The following ANOS1 variants were observed in gnomAD, a reference collection of about 807,000 sequenced individuals.
The protein encoded by ANOS1 is anosmin-1.
In ANOS1, 6 loss-of-function variants were observed where a neutral mutation model predicts 59.0. The ratio of observed to expected loss-of-function variants is 0.10; its 90% CI spans 0.06 to 0.20. The LOEUF is 0.20. Ranked by LOEUF, ANOS1 falls within the 10% of genes least tolerant of loss-of-function variation. The probability of loss-of-function intolerance (pLI) is 1.00; values close to 1 mark genes in which losing one functional copy is unlikely to be tolerated. For missense variants in ANOS1, 433 were observed against 542.3 expected, an observed-to-expected ratio of 0.80 and a Z score of 2.00; for synonymous variants, 217 against 223.4, an observed-to-expected ratio of 0.97 and a Z score of 0.25.
intron 5 of ANOS1, among the ~76,000 whole-genome samples, chrX:8,587,112 T>C (rs181764611): frequency 3.2e-3 from 276 of 87,269 alleles, no homozygotes; most frequent in Non-Finnish European, 5.5e-3. Flanking sequence ...TTTATATCCA[T>C]GTAGGGTTTG....
At chrX:8,686,291 A>G (rs1006757108) in intron 2 of ANOS1, among the ~76,000 whole-genome samples, 2 of 112,039 alleles carry the variant, frequency 1.8e-5, no homozygotes, top group African/African-American at 3.2e-5. Context: ...CTACCGATTT[A>G]TTATTTTATG....
At chrX:8,717,419 A>T (rs200019382) in intron 1 of ANOS1, among the ~76,000 whole-genome samples, 28 of 111,862 alleles carry the variant, frequency 2.5e-4, no homozygotes, top group South Asian at 1.5e-3. Context: ...GATTTTTTTT[A>T]AAAAATTTCT....
intron 6 of ANOS1, among the ~76,000 whole-genome samples, chrX:8,573,977 G>C (rs1001724600): frequency 4.5e-5 from 5 of 111,540 alleles, no homozygotes; most frequent in Non-Finnish European, 9.4e-5. Flanking sequence ...TCTGAATACA[G>C]CAGTCTGATG....
intron 4 of ANOS1, among the ~76,000 whole-genome samples, chrX:8,595,875 C>A (rs1391556515): frequency 9.0e-6 from 1 of 111,258 alleles, no homozygotes; most frequent in Non-Finnish European, 1.9e-5. Context: ...ACTGTATTTA[C>A]AGCCACTCCT....
intron 2 of ANOS1, among the ~76,000 whole-genome samples, chrX:8,631,599 G>A (rs368855428): frequency 1.3e-3 from 148 of 111,358 alleles, no homozygotes; most frequent in African/African-American, 4.6e-3. Flanking sequence ...GCTTCAAAAT[G>A]AGGTGACTGG....
At chrX:8,631,584 T>C (rs766890513) in intron 2 of ANOS1, among the ~76,000 whole-genome samples, 1 of 111,860 alleles carries the variant, frequency 8.9e-6, no homozygotes, top group South Asian at 3.8e-4. Flanking sequence ...TCTTTACGTG[T>C]TTGTGCTTCA....
intron 2 of ANOS1, among the ~76,000 whole-genome samples, chrX:8,634,623 C>T (rs1931543830): frequency 1.8e-5 from 2 of 111,948 alleles, no homozygotes; most frequent in Non-Finnish European, 3.8e-5. Flanking sequence ...TTGCAATACC[C>T]TGATTTAGAT....
intron 3 of ANOS1, among the ~76,000 whole-genome samples, chrX:8,622,847 TAGAC>T (rs1465391778): frequency 2.7e-5 from 3 of 112,326 alleles, no homozygotes; most frequent in African/African-American, 9.7e-5. Context: ...TTGGTGATTT[TAGAC>T]AGTGGTCCTC....
At chrX:8,595,824 C>T (rs1296896973) in intron 4 of ANOS1, among the ~76,000 whole-genome samples, 2 of 111,297 alleles carry the variant, frequency 1.8e-5, no homozygotes, top group African/African-American at 3.3e-5. Flanking sequence ...AACTGGGTCA[C>T]ACAGCAGGAG....
At chrX:8,635,707 C>T (rs1931561968) in intron 2 of ANOS1, among the ~76,000 whole-genome samples, 1 of 111,985 alleles carries the variant, frequency 8.9e-6, no homozygotes. Context: ...ATTTCCAACC[C>T]AGAAAGTGTA....
At chrX:8,545,199 G>A (rs1371033321) in intron 9 of ANOS1, among the ~76,000 whole-genome samples, 6 of 103,585 alleles carry the variant, frequency 5.8e-5, no homozygotes, top group African/African-American at 2.1e-4. Flanking sequence ...GTTGCAGTGA[G>A]CCATGATCAT....
At chrX:8,641,844 C>T (rs905674093) in intron 2 of ANOS1, among the ~76,000 whole-genome samples, 19 of 108,872 alleles carry the variant, frequency 1.7e-4, no homozygotes, top group African/African-American at 6.4e-4. Flanking sequence ...GATAGGCATC[C>T]ATTCTGCCGG....
At chrX:8,626,860 CAA>C (rs745349086) in intron 2 of ANOS1, among the ~76,000 whole-genome samples, 4 of 59,813 alleles carry the variant, frequency 6.7e-5, no homozygotes, top group Non-Finnish European at 6.6e-5. Flanking sequence ...TACTCCGTCT[CAA>C]AAAAAAAAAA....
chrX:8,722,070 C>T (rs1932878657), intron 1 of ANOS1, among the ~76,000 whole-genome samples: 2 of 112,201 alleles, frequency 1.8e-5, no homozygotes, highest in Admixed American at 9.5e-5. Context: ...CTGAACTTGT[C>T]TGTTTACAAA....
chrX:8,679,391 T>C (rs1432500499), intron 2 of ANOS1, among the ~76,000 whole-genome samples: 1 of 110,855 alleles, frequency 9.0e-6, no homozygotes, highest in Admixed American at 9.6e-5. Flanking sequence ...GGTTGTGGAA[T>C]GGGGGGAATC....
At chrX:8,722,014 A>T (rs1932878177) in intron 1 of ANOS1, among the ~76,000 whole-genome samples, 1 of 110,097 alleles carries the variant, frequency 9.1e-6, no homozygotes, top group Non-Finnish European at 1.9e-5. Flanking sequence ...AAAGATAAAC[A>T]CCCTCCCTCC....
chrX:8,551,870 G>A (rs1929862498), intron 9 of ANOS1, among the ~76,000 whole-genome samples: 1 of 112,229 alleles, frequency 8.9e-6, no homozygotes, highest in Non-Finnish European at 1.9e-5. Context: ...CTATTCAGGA[G>A]GCTGAGGCGG....
intron 2 of ANOS1, among the ~76,000 whole-genome samples, chrX:8,641,416 C>G (rs1404025787): frequency 1.1e-4 from 12 of 112,174 alleles, no homozygotes; most frequent in Non-Finnish European, 2.3e-4. Flanking sequence ...TTTCTGTGAT[C>G]CCTTTTTTCT....
chrX:8,588,723 C>T (rs1238006808), intron 4 of ANOS1, among the ~76,000 whole-genome samples: 1 of 112,441 alleles, frequency 8.9e-6, no homozygotes, highest in Non-Finnish European at 1.9e-5. Context: ...ATTTCTTTAT[C>T]GCCTTCTGTA....
Sources: gnomAD v4.1 joint callset for allele counts (sites outside exome capture counted in the v4.1 genomes callset) on GRCh38, gnomAD v4.1.1 for gene constraint, MANE v1.5 for transcripts, NCBI Gene and HGNC (gene_info 2026-07-23, HGNC 2026-07-21) for gene names.